Variants in LRRC66 observed in about 807,000 individuals in gnomAD.
The protein encoded by LRRC66 is leucine rich repeat containing 66.
Under a neutral mutation model 24.6 loss-of-function variants are expected in LRRC66, and 29 were observed. The observed-to-expected ratio is 1.18, with a 90% CI of 0.88 to 1.61. The LOEUF is 1.61. Ranked by LOEUF, LRRC66 falls within the 40% of genes most tolerant of loss-of-function variation. The pLI, the probability that LRRC66 is intolerant of heterozygous loss-of-function variation, is 0.00. For synonymous variants in LRRC66, 411 were observed against 397.6 expected (o/e 1.03, Z -0.40); for missense variants, 1,124 against 1,058.0 (o/e 1.06, Z -0.87).
At chr4:52,012,418 C>T (rs1736725197) in intron 2 of LRRC66, among the ~76,000 whole-genome samples, 1 of 152,114 alleles carries the variant, frequency 6.6e-6, no homozygotes, top group Non-Finnish European at 1.5e-5. Context: ...TTTTCCTTTA[C>T]TTTCAATTTT....
chr4:51,998,130 T>C (rs2110192660), intron 3 of LRRC66, among the ~76,000 whole-genome samples, 193 bp from the exon 4 acceptor site: 1 of 152,348 alleles, frequency 6.6e-6, no homozygotes, highest in Non-Finnish European at 1.5e-5. Flanking sequence ...TCTTGATAAA[T>C]TGTTCACTTT....
At position 51,997,935 on chromosome 4, in the gene LRRC66, G is replaced by C; in HGVS notation, c.669C>G (p.Val223=). The C allele has an allele frequency of 2.5e-6, 4 of 1,611,814 alleles. No homozygotes were observed. Among genetic ancestry groups the C allele is most frequent in the Middle Eastern group, 1.7e-4 (1 of 6,046 alleles). The change falls in exon 4 of 5, where the codon GTC becomes GTG. Residue 223 remains valine (V), a splice_region_variant and synonymous_variant. Coordinates refer to ENST00000682860, the MANE Select transcript of LRRC66 (RefSeq NM_001024611.3). The stretch of plus-strand genomic sequence containing the variant: ...TCAGAGCATTGTTGCTAAGGTCTAT[G>C]ACCTGTTTGAGAAGAAACAAGTTTA... ...QAFKDLKKLQ[V]IDLSNNALIT...
rs757967832 is a variant in LRRC66, at chr4:52,017,571, G to A, written c.43C>T (p.Leu15Phe). 4 of 1,603,978 alleles carry A rather than the reference G, an allele frequency of 2.5e-6. No individual in the cohort carries two copies. The East Asian group carries it at 8.9e-5, about 36-fold the overall frequency. The change falls in exon 2 of 5, where the codon CTT becomes TTT. Residue 15 changes from leucine (L) to phenylalanine (F), a missense_variant. Leu to Phe is a conservative substitution (Grantham distance 22). Transcript: ENST00000682860. Reference protein sequence around the residue: ...YFRVITIVIGLYFTGIMTNAS... With the variant: ...YFRVITIVIGFYFTGIMTNAS... ...TTTGTCATTATTCCAGTAAAATAAA[G>A]ACCTATAACTATGGTAATGACTCTG...
Position 51,997,870 on chromosome 4 carries a change from G to A in LRRC66, c.734C>T (p.Pro245Leu), listed in dbSNP as rs759490767. 1.9e-5 allele frequency: 30 copies of A among 1,613,880 alleles called. No homozygotes were observed. Among genetic ancestry groups the A allele is most frequent in the Non-Finnish European group, 2.4e-5 (28 of 1,179,964 alleles). ...LPMMIIALEFPHLVVDLADNN... is the reference protein window; with the variant it reads ...LPMMIIALEFLHLVVDLADNN... ...ATCAGCCAAGTCAACCACTAGATGG[G>A]GAAATTCTAGAGCTATGATCATCAT... The change falls in exon 4 of 5, where the codon CCC (proline) becomes CTC (leucine). Residue 245 changes from proline (P) to leucine (L), a missense_variant. Transcript: ENST00000682860.
intron 1 of LRRC66, chr4:52,018,461 GTA>G (rs1736867756): frequency 3.0e-6 from 3 of 985,358 alleles, no homozygotes; most frequent in South Asian, 4.7e-5. Flanking sequence ...ACATTATTGA[GTA>G]TATGAGTTTC....
At chr4:52,016,613 T>A (rs1736817665) in intron 2 of LRRC66, among the ~76,000 whole-genome samples, 1 of 152,148 alleles carries the variant, frequency 6.6e-6, no homozygotes, top group Non-Finnish European at 1.5e-5. Flanking sequence ...GATTTTGACT[T>A]GATAATCAGA....
Position 52,003,249 on chromosome 4 carries a change from C to T in LRRC66, c.640G>A (p.Ala214Thr). The T allele has an allele frequency of 6.2e-7, 1 of 1,612,858 alleles. No individual in the cohort carries two copies. Among genetic ancestry groups the T allele is most frequent in the Non-Finnish European group, 8.5e-7 (1 of 1,179,658 alleles). Residue 214 changes from alanine to threonine, a missense_variant, in exon 3 of 5, where the codon GCC becomes ACC. Transcript: ENST00000682860. Reference sequence around the variant, plus strand: ...TGTAATTTTTTGAGGTCCTTGAAGGCTTGTGGGGGAATTTTGAATATCTTG... The same window carrying T: ...TGTAATTTTTTGAGGTCCTTGAAGGTTTGTGGGGGAATTTTGAATATCTTG... Reference protein sequence around the residue: ...SNKIFKIPPQAFKDLKKLQVI... With the variant: ...SNKIFKIPPQTFKDLKKLQVI...
At chr4:52,002,018 C>A (rs1306483275) in intron 3 of LRRC66, among the ~76,000 whole-genome samples, 1 of 152,126 alleles carries the variant, frequency 6.6e-6, no homozygotes, top group African/African-American at 2.4e-5. Context: ...GAAAACAAAA[C>A]AGATATCATG....
chr4:52,013,603 G>C (rs1190612369), intron 2 of LRRC66, among the ~76,000 whole-genome samples: 1 of 152,122 alleles, frequency 6.6e-6, no homozygotes, highest in Non-Finnish European at 1.5e-5. Flanking sequence ...TAAATTCATG[G>C]CTGGCTTCTG....
Position 51,995,819 on chromosome 4 carries a change from A to C in LRRC66, c.1203T>G (p.Val401=). The C allele has an allele frequency of 6.2e-7, 1 of 1,614,094 alleles. No individual in the cohort carries two copies. The highest frequency in any genetic ancestry group is 1.3e-5 in the African/African-American group (1 of 75,018). The change falls in exon 5 of 5, where the codon GTT becomes GTG. Residue 401 remains valine (V), a synonymous_variant. Transcript: ENST00000682860. ...FSLGAFTRPY[V]DRLWQKKCQS... Reference sequence around the variant, plus strand: ...GGCACTTTTTTTGCCACAGTCTGTCAACATAAGGCCTTGTGAAAGCCCCCA... The same window carrying C: ...GGCACTTTTTTTGCCACAGTCTGTCCACATAAGGCCTTGTGAAAGCCCCCA...
chr4:51,994,282 C>A lies in LRRC66; in HGVS notation c.*97G>T. ...CACTTGGTTGGAATTCATGTTGTCT[C>A]CTTCAGGATCTTGTTGTGAAGGCTT... On this transcript the variant is annotated 3_prime_UTR_variant, in exon 5 of 5. Transcript: ENST00000682860. The A allele has an allele frequency of 1.7e-6, 2 of 1,173,668 alleles. No individual in the cohort carries two copies. The highest frequency in any genetic ancestry group is 2.4e-6 in the Non-Finnish European group (2 of 849,066). 72.7% of individuals were successfully genotyped at this position (1,173,668 alleles called of 1,614,324 possible). A position where few individuals can be genotyped will look rare whatever the true frequency, so the allele number is the denominator to read the frequency against.
chr4:52,015,307 A>G (rs1736784945), intron 2 of LRRC66, among the ~76,000 whole-genome samples: 1 of 152,016 alleles, frequency 6.6e-6, no homozygotes, highest in Admixed American at 6.6e-5. Context: ...GAAGAAAGTG[A>G]TTTCCAGACA....
At position 52,017,549 on chromosome 4, in the gene LRRC66, G is replaced by A. The variant is rs1434948297; in HGVS notation, c.65C>T (p.Thr22Ile). 4.3e-6 allele frequency: 7 copies of A among 1,610,180 alleles called. No homozygotes were observed. The highest frequency in any genetic ancestry group is 5.9e-6 in the Non-Finnish European group (7 of 1,178,548). Residue 22 changes from threonine (T) to isoleucine (I), a missense_variant, in exon 2 of 5, where the codon ACA becomes ATA. By Grantham distance (89) the Thr-to-Ile change is moderately conservative. Transcript: ENST00000682860. ...VIGLYFTGIM[T>I]NASRKSNILF... ...AATATTGCTTTTTCTTGATGCATTT[G>A]TCATTATTCCAGTAAAATAAAGACC...
intron 2 of LRRC66, among the ~76,000 whole-genome samples, chr4:52,015,128 T>C (rs1391757231): frequency 6.6e-6 from 1 of 152,184 alleles, no homozygotes; most frequent in Non-Finnish European, 1.5e-5. Context: ...GGGTAATATT[T>C]TGACATGTTA....
In LRRC66 at chr4:51,995,365, C is replaced by T; in HGVS notation, c.1657G>A (p.Val553Met). ...GTGCCAGCTACAGAAGAGACGCCCA[C>T]TGAATGTGCACTGAGAGGCTCTTCC... ...AQEEPLSAHS[V>M]GVSSVAGTSH... Residue 553 changes from valine to methionine, a missense_variant, in exon 5 of 5, where the codon GTG becomes ATG. By Grantham distance (21) the Val-to-Met change is conservative. Transcript: ENST00000682860. 6.2e-7 allele frequency: 1 copy of T among 1,614,184 alleles called. No individual in the cohort carries two copies. Among genetic ancestry groups the T allele is most frequent in the Middle Eastern group, 1.6e-4 (1 of 6,062 alleles).
At chr4:52,010,656 G>T (rs1736679897) in intron 2 of LRRC66, among the ~76,000 whole-genome samples, 2 of 152,150 alleles carry the variant, frequency 1.3e-5, no homozygotes, top group South Asian at 4.1e-4. Context: ...TTAGAGCTGT[G>T]TAGGAGACCA....
chr4:51,995,510 T>G lies in LRRC66; in HGVS notation c.1512A>C (p.Ala504=). ...GATGTCTCTGGAGAATGGAATAGAC[T>G]GCACCATCATTTCCACTTCCTGCCC... ...NTGAGSGNDG[A]VYSILQRHPH... is the part of the protein sequence containing the mutation. The change falls in exon 5 of 5, where the codon GCA becomes GCC. Residue 504 remains alanine, a synonymous_variant. Transcript: ENST00000682860. 6.2e-7 allele frequency: 1 copy of G among 1,614,196 alleles called. No homozygotes were observed.
At position 51,995,289 on chromosome 4, in the gene LRRC66, G is replaced by A. The variant is rs540099508; in HGVS notation, c.1733C>T (p.Pro578Leu). 2.5e-6 allele frequency: 4 copies of A among 1,614,190 alleles called. No individual in the cohort carries two copies. The South Asian group carries it at 4.4e-5, about 18-fold the overall frequency. Residue 578 changes from proline (P) to leucine (L), a missense_variant, in exon 5 of 5, where the codon CCT (proline) becomes CTT (leucine). Coordinates refer to ENST00000682860, the MANE Select transcript of LRRC66 (RefSeq NM_001024611.3). The stretch of plus-strand genomic sequence containing the variant: ...AGCTGTTATTTCTCCGGAGAGGGAA[G>A]GGTCTAATTCATTGGAATCATAACG... ...SSRYDSNELD[P>L]SLSGEITASL...
At chr4:52,014,364 G>C (rs1736766249) in intron 2 of LRRC66, among the ~76,000 whole-genome samples, 1 of 152,176 alleles carries the variant, frequency 6.6e-6, no homozygotes, top group African/African-American at 2.4e-5. Context: ...ACTAGTATTT[G>C]CAAGGTAAAT....
Sources: allele counts gnomAD v4.1 joint callset (sites outside exome capture counted in the v4.1 genomes callset), GRCh38; gene constraint gnomAD v4.1.1; transcripts MANE v1.5; gene names NCBI Gene and HGNC (gene_info 2026-07-23, HGNC 2026-07-21).